The following ARHGAP29 variants were observed in gnomAD, a reference collection of about 807,000 sequenced individuals.
The protein encoded by ARHGAP29 is rho GTPase-activating protein 29.
ARHGAP29 carries 43 observed loss-of-function variants against 122.6 expected under a neutral mutation model. The observed-to-expected ratio is 0.35, with a 90% CI of 0.27 to 0.45. The LOEUF (loss-of-function observed/expected upper bound fraction) is 0.45, where lower values mean the gene tolerates loss of function less well. Among genes scored for constraint, ARHGAP29 ranks in the 20% least tolerant of loss-of-function variants. The pLI, the probability that ARHGAP29 is intolerant of heterozygous loss-of-function variation, is 1.00. For missense variants in ARHGAP29, 1,303 were observed against 1,477.2 expected, an observed-to-expected ratio of 0.88 and a Z score of 1.93; for synonymous variants, 506 against 497.1, an observed-to-expected ratio of 1.02 and a Z score of -0.24.
chr1:94,262,450 A>C (rs1265226523), intron 1 of ARHGAP29, among the ~76,000 whole-genome samples: 1 of 152,234 alleles, frequency 6.6e-6, no homozygotes, highest in Non-Finnish European at 1.5e-5. Context: ...ATAAACTATC[A>C]ATAGAGTAAA....
chr1:94,314,424 T>C, the ARHGAP29 span, among the ~76,000 whole-genome samples: 1 of 152,292 alleles, frequency 6.6e-6, no homozygotes, highest in Non-Finnish European at 1.5e-5. Context: ...GGGATTGTGC[T>C]CCCTGAAGTC....
At chr1:94,297,736 G>A in the ARHGAP29 span, among the ~76,000 whole-genome samples, 1 of 152,166 alleles carries the variant, frequency 6.6e-6, no homozygotes, top group Admixed American at 6.5e-5. Context: ...GAACTTGGGG[G>A]TTCTTGTTGG....
At chr1:94,198,031 AG>A (rs1308350944) in intron 12 of ARHGAP29, among the ~76,000 whole-genome samples, 2 of 152,248 alleles carry the variant, frequency 1.3e-5, no homozygotes, top group Non-Finnish European at 2.9e-5. Flanking sequence ...CAGATTGGAA[AG>A]GAAGATATAA....
At chr1:94,191,826 C>T (rs958590196) in intron 12 of ARHGAP29, 5 of 152,266 alleles carry the variant, frequency 3.3e-5, no homozygotes, top group East Asian at 1.9e-4. Context: ...GTCCAAGGAC[C>T]GCATCTTGAG....
rs1226132631 is a variant in ARHGAP29 at position 94,203,912 on chromosome 1, A to G, written c.762+18T>C. On this transcript the variant is annotated intron_variant, in intron 8 of 22. Transcript: ENST00000260526. ...TAGTTTCTTATTATAGAACCCCCGA[A>G]GTTCACAGAACACTTACCTGAATTC... 1.2e-6 allele frequency: 2 copies of G among 1,611,534 alleles called. No individual in the cohort carries two copies. Among genetic ancestry groups the G allele is most frequent in the East Asian group, 2.2e-5 (1 of 44,846 alleles).
chr1:94,232,155 G>A (rs1451863946), intron 1 of ARHGAP29, among the ~76,000 whole-genome samples: 1 of 152,046 alleles, frequency 6.6e-6, no homozygotes, highest in African/African-American at 2.4e-5. Context: ...AGAAATACCT[G>A]TTCTTAAAAT....
At chr1:94,245,598 A>T (rs1653766992) in intron 1 of ARHGAP29, among the ~76,000 whole-genome samples, 1 of 152,206 alleles carries the variant, frequency 6.6e-6, no homozygotes, top group African/African-American at 2.4e-5. Context: ...GGAAATTGCG[A>T]GAAGCCTTTC....
intron 2 of ARHGAP29, among the ~76,000 whole-genome samples, chr1:94,222,000 C>G (rs1324648845): frequency 6.9e-6 from 1 of 144,746 alleles, no homozygotes; most frequent in Non-Finnish European, 1.5e-5. Flanking sequence ...CTAAAACAAA[C>G]AACAAAAAAC....
Position 94,237,523 on chromosome 1 carries a change from C to A in ARHGAP29, c.-141G>T. ...GCCCCCATCCCCCACGGCCTGCGGACGCCCGGCCAAATCTCAGCCGCAGCC... is the reference window on the plus strand; with the variant it reads ...GCCCCCATCCCCCACGGCCTGCGGAAGCCCGGCCAAATCTCAGCCGCAGCC... On this transcript the variant is annotated 5_prime_UTR_variant, in exon 1 of 23. Transcript: ENST00000260526. 8.1e-6 allele frequency: 8 copies of A among 990,220 alleles called. No individual in the cohort carries two copies. The highest frequency in any genetic ancestry group is 9.6e-6 in the Non-Finnish European group (8 of 833,276). 61.3% of individuals were successfully genotyped at this position (990,220 alleles called of 1,614,324 possible). A position where few individuals can be genotyped will look rare whatever the true frequency, so the allele number is the denominator to read the frequency against.
upstream of ARHGAP29, among the ~76,000 whole-genome samples, chr1:94,277,404 T>A (rs1655230097): frequency 6.6e-6 from 1 of 152,206 alleles, no homozygotes; most frequent in Non-Finnish European, 1.5e-5. Context: ...AATGAGACAG[T>A]TCAGACCTTA....
At chr1:94,240,493 A>G (rs923275716), upstream of ARHGAP29, among the ~76,000 whole-genome samples, 1 of 152,200 alleles carries the variant, frequency 6.6e-6, no homozygotes, top group African/African-American at 2.4e-5. Flanking sequence ...AATAGATGCA[A>G]TAATACCTTT....
intron 1 of ARHGAP29, among the ~76,000 whole-genome samples, chr1:94,250,041 T>G (rs976899577): frequency 2.3e-4 from 35 of 152,078 alleles, no homozygotes; most frequent in African/African-American, 8.5e-4. Context: ...AACTTGGTTG[T>G]ATCTAGTAGA....
In ARHGAP29 at chr1:94,231,552, G is replaced by T. The variant is rs1450781448; in HGVS notation, c.60C>A (p.Leu20=). The T allele has an allele frequency of 6.2e-7, 1 of 1,613,774 alleles. No individual in the cohort carries two copies. The highest frequency in any genetic ancestry group is 8.5e-7 in the Non-Finnish European group (1 of 1,179,736). Residue 20 remains leucine, a synonymous_variant, in exon 2 of 23, where the codon CTC becomes CTA. Transcript: ENST00000260526. ...TTTCAGAAGTTGTAATATCAGTAGA[G>T]AGTTGACCTGATGCCCAAGCACGTT... ...KKKRAWASGQ[L]STDITTSEMG...
intron 2 of ARHGAP29, among the ~76,000 whole-genome samples, chr1:94,223,574 G>A (rs1207427589): frequency 1.3e-5 from 2 of 151,592 alleles, no homozygotes; most frequent in Admixed American, 6.6e-5. Context: ...AATTAATTGC[G>A]GATTTGGCCA....
At chr1:94,307,182 C>T in the ARHGAP29 span, among the ~76,000 whole-genome samples, 1 of 152,106 alleles carries the variant, frequency 6.6e-6, no homozygotes, top group East Asian at 1.9e-4. Context: ...CCAAATCATT[C>T]TTTACGCCTG....
At position 94,171,225 on chromosome 1, in the gene ARHGAP29, G is replaced by T. The variant is rs891507230; in HGVS notation, c.*2644C>A. ...AACTGAGGTACAATTCTATCTGCTT[G>T]TGAGTTCACTAGGCAACAAGTCTCA... is the stretch of plus-strand genomic sequence containing the variant. On this transcript the variant is annotated 3_prime_UTR_variant, in exon 23 of 23. Transcript: ENST00000260526. 3.3e-5 allele frequency among the ~76,000 whole-genome samples: 5 copies of T among 152,178 alleles called. No individual in the cohort carries two copies. Among genetic ancestry groups the T allele is most frequent in the African/African-American group, 1.2e-4 (5 of 41,436 alleles).
chr1:94,204,994 G>A, intron 7 of ARHGAP29, 67 bp downstream of exon 7: 4 of 1,388,504 alleles, frequency 2.9e-6, no homozygotes, highest in South Asian at 3.3e-5. Flanking sequence ...CTCATAATCT[G>A]TAAAAAATGA....
upstream of ARHGAP29, among the ~76,000 whole-genome samples, chr1:94,238,766 G>A (rs549811001): frequency 6.6e-6 from 1 of 152,172 alleles, no homozygotes; most frequent in South Asian, 2.1e-4. Context: ...AAAATAAAAG[G>A]AGAGACTACC....
At chr1:94,183,777 G>A (rs148838868) in intron 19 of ARHGAP29, among the ~76,000 whole-genome samples, 19 of 152,286 alleles carry the variant, frequency 1.2e-4, no homozygotes, top group South Asian at 6.2e-4. Flanking sequence ...ATTTTCCAAA[G>A]CTTAACAATA....
Sources: gnomAD v4.1 joint callset for allele counts (sites outside exome capture counted in the v4.1 genomes callset) on GRCh38, gnomAD v4.1.1 for gene constraint, MANE v1.5 for transcripts, NCBI Gene and HGNC (gene_info 2026-07-23, HGNC 2026-07-21) for gene names.